The following CNNM2 variants were observed in gnomAD, a reference collection of about 807,000 sequenced individuals.
The protein encoded by CNNM2 is cyclin and CBS domain divalent metal cation transport mediator 2.
Under a neutral mutation model 66.9 loss-of-function variants are expected in CNNM2, and 12 were observed. That is an observed-to-expected ratio of 0.18 (90% CI 0.11 to 0.29). CNNM2 has a LOEUF of 0.29. CNNM2 is among the 10% of genes least tolerant of loss of function. CNNM2 has a pLI of 1.00. For synonymous variants in CNNM2, 557 were observed against 501.8 expected (o/e 1.11, Z -1.47); for missense variants, 705 against 1,167.7 (o/e 0.60, Z 5.77).
intron 1 of CNNM2, among the ~76,000 whole-genome samples, chr10:102,986,652 T>C (rs1237214110): frequency 6.6e-6 from 1 of 151,076 alleles, no homozygotes; most frequent in Non-Finnish European, 1.5e-5. Flanking sequence ...TGGTGGCAGG[T>C]ACCTGTAGTC....
At chr10:102,979,221 C>T (rs903132787) in intron 1 of CNNM2, among the ~76,000 whole-genome samples, 1 of 152,116 alleles carries the variant, frequency 6.6e-6, no homozygotes, top group African/African-American at 2.4e-5. Flanking sequence ...AATGGTTGTA[C>T]CCCAGCGAGT....
chr10:103,008,778 C>CAA lies in CNNM2; in HGVS notation c.1622-40910_1622-40909dup, dbSNP rs35992147. Among the ~76,000 whole-genome samples the CAA allele has an allele frequency of 0.17, 17,506 of 104,668 alleles. 1,827 individuals are homozygous for CAA. The highest frequency in any genetic ancestry group is 0.2 in the Non-Finnish European group (11,063 of 54,930). 68.7% of individuals were successfully genotyped at this position (104,668 alleles called of 152,430 possible). ...TGGGTGACAGAGCGAGACCCTGTCT[C>CAA]AAAAAAAAAAAAAAAAAAAACCCAA... is the stretch of plus-strand genomic sequence containing the variant. On this transcript the variant is annotated intron_variant, in intron 1 of 7. Coordinates refer to ENST00000369878, the MANE Select transcript of CNNM2 (RefSeq NM_017649.5).
chr10:103,042,445 C>T (rs896923103), intron 1 of CNNM2, among the ~76,000 whole-genome samples: 31 of 152,164 alleles, frequency 2.0e-4, no homozygotes, highest in African/African-American at 7.2e-4. Flanking sequence ...CACTTGAACA[C>T]GACCCAACAT....
rs1335846173 is a variant in CNNM2, at chr10:103,085,401, G to C, written c.*8221G>C. On this transcript the variant is annotated 3_prime_UTR_variant, in exon 8 of 8. Transcript: ENST00000369878. ...ACATTTTTCAGTGTGGGGAAGGTTT[G>C]CTTGGCAAATCTTCTTTCCAAGTAT... is the stretch of plus-strand genomic sequence containing the variant. The C allele has an allele frequency of 6.6e-6, 1 of 152,180 alleles. No individual in the cohort carries two copies. Among genetic ancestry groups the C allele is most frequent in the Non-Finnish European group, 1.5e-5 (1 of 68,038 alleles). 9.4% of individuals were successfully genotyped at this position (152,180 alleles called of 1,614,324 possible).
chr10:103,024,668 TG>T, intron 1 of CNNM2, among the ~76,000 whole-genome samples: 1 of 152,014 alleles, frequency 6.6e-6, no homozygotes, highest in South Asian at 2.1e-4. Context: ...TTAGTAGAGA[TG>T]GGGTTTCACC....
intron 1 of CNNM2, among the ~76,000 whole-genome samples, chr10:102,982,276 C>G (rs1020755751): frequency 6.6e-6 from 1 of 152,104 alleles, no homozygotes; most frequent in African/African-American, 2.4e-5. Context: ...TTATTTGATT[C>G]ATATTGGTCT....
At chr10:103,058,640 A>G (rs1437735284) in intron 4 of CNNM2, among the ~76,000 whole-genome samples, 5 of 152,218 alleles carry the variant, frequency 3.3e-5, no homozygotes, top group Admixed American at 2.6e-4. Flanking sequence ...CTGTATTTGT[A>G]TACCAATTTG....
At chr10:103,016,181 T>G in intron 1 of CNNM2, among the ~76,000 whole-genome samples, 1 of 151,346 alleles carries the variant, frequency 6.6e-6, no homozygotes, top group Non-Finnish European at 1.5e-5. Flanking sequence ...ATGGAGCCAG[T>G]TGCTTTTGTG....
chr10:102,971,671 G>T (rs1380501926), intron 1 of CNNM2, among the ~76,000 whole-genome samples: 1 of 151,984 alleles, frequency 6.6e-6, no homozygotes, highest in African/African-American at 2.4e-5. Context: ...TAGATTTGCT[G>T]TCTTCATTTT....
intron 4 of CNNM2, among the ~76,000 whole-genome samples, chr10:103,066,927 G>A (rs1414273966): frequency 1.3e-5 from 2 of 152,096 alleles, no homozygotes; most frequent in Non-Finnish European, 2.9e-5. Context: ...GGGTGGAGTT[G>A]TAAGTTTATA....
intron 2 of CNNM2, among the ~76,000 whole-genome samples, chr10:103,051,397 C>T (rs1204460697): frequency 6.6e-6 from 1 of 152,018 alleles, no homozygotes; most frequent in African/African-American, 2.4e-5. Flanking sequence ...CGTCACTGCA[C>T]TCCAGCCTGG....
intron 7 of CNNM2, 125 bp from the exon 8 acceptor site, chr10:103,076,846 C>A (rs776177400): frequency 1.2e-6 from 1 of 826,482 alleles, no homozygotes; most frequent in Non-Finnish European, 2.0e-6. Context: ...TGGCTCACTG[C>A]GCTCAAGTGT....
At chr10:103,051,320 A>C (rs1288468435) in intron 2 of CNNM2, among the ~76,000 whole-genome samples, 1 of 152,112 alleles carries the variant, frequency 6.6e-6, no homozygotes, top group Non-Finnish European at 1.5e-5. Context: ...AGTCTCAGCT[A>C]CTTGGGAGGC....
chr10:102,989,358 T>C (rs894698473), intron 1 of CNNM2, among the ~76,000 whole-genome samples: 4 of 152,090 alleles, frequency 2.6e-5, no homozygotes, highest in African/African-American at 9.7e-5. Flanking sequence ...TGGGGTCGTC[T>C]TTATTTTATT....
At chr10:102,946,942 AT>A (rs1195288249) in intron 1 of CNNM2, among the ~76,000 whole-genome samples, 3 of 152,150 alleles carry the variant, frequency 2.0e-5, no homozygotes, top group Non-Finnish European at 4.4e-5. Context: ...GTTAGTATCC[AT>A]TTTTTCCCCT....
Position 103,002,965 on chromosome 10 carries a change from C to T in CNNM2, c.1622-46742C>T, listed in dbSNP as rs78459588. Among the ~76,000 whole-genome samples, 638 of 152,140 alleles carry T rather than the reference C, an allele frequency of 4.2e-3. 20 individuals are homozygous for T. In the East Asian group the frequency reaches 0.073, roughly 17 times the overall value. ...AAAACTTGTACGCAGTTGTTCATAG[C>T]GGCATTATTTATAATACTTAAAAAG... On this transcript the variant is annotated intron_variant, in intron 1 of 7. Transcript: ENST00000369878.
intron 1 of CNNM2, among the ~76,000 whole-genome samples, chr10:102,990,031 C>T (rs1167551257): frequency 6.6e-6 from 1 of 151,154 alleles, no homozygotes; most frequent in Admixed American, 6.6e-5. Flanking sequence ...TGCAACCTCT[C>T]CCTCCCCGGT....
chr10:102,924,658 A>G (rs1845786268), intron 1 of CNNM2, among the ~76,000 whole-genome samples: 1 of 149,948 alleles, frequency 6.7e-6, no homozygotes, highest in African/African-American at 2.5e-5. Context: ...CGTATTTGTT[A>G]GGGTCTTGCT....
rs1370325160 is a variant in CNNM2 at position 103,083,352 on chromosome 10, T to C, written c.*6172T>C. On this transcript the variant is annotated 3_prime_UTR_variant, in exon 8 of 8. Coordinates refer to ENST00000369878, the MANE Select transcript of CNNM2 (RefSeq NM_017649.5). The stretch of plus-strand genomic sequence containing the variant: ...ATTGTTTTACAAGGTTTTTGTTTAT[T>C]TCTATTCTATTTAGATAAATGATGT... The C allele has an allele frequency of 1.3e-5, 2 of 152,242 alleles. No homozygotes were observed. The highest frequency in any genetic ancestry group is 1.5e-5 in the Non-Finnish European group (1 of 68,042). The allele number at this position is 152,242 out of a possible 1,614,324, so 9.4% of individuals were successfully genotyped here.
Sources: allele counts gnomAD v4.1 joint callset (sites outside exome capture counted in the v4.1 genomes callset), GRCh38; gene constraint gnomAD v4.1.1; transcripts MANE v1.5; gene names NCBI Gene and HGNC (gene_info 2026-07-23, HGNC 2026-07-21).